NLK: variants seen among roughly 807,000 people sequenced by gnomAD.
NLK encodes nemo like kinase.
Under a neutral mutation model 59.0 loss-of-function variants are expected in NLK, and 11 were observed. The observed-to-expected ratio is 0.19, with a 90% confidence interval of 0.12 to 0.31. The LOEUF (loss-of-function observed/expected upper bound fraction) is 0.31. Ranked by LOEUF, NLK falls within the 10% of genes least tolerant of loss-of-function variation. The pLI is 1.00. For missense variants in NLK, 410 were observed against 661.1 expected, an observed-to-expected ratio of 0.62 and a Z score of 4.16; for synonymous variants, 235 against 235.9, an observed-to-expected ratio of 1.00 and a Z score of 0.03.
chr17:28,201,347 T>C (rs923421839), downstream of NLK, among the ~76,000 whole-genome samples: 4 of 151,040 alleles, frequency 2.6e-5, no homozygotes, highest in Non-Finnish European at 2.9e-5. Flanking sequence ...CCTCCCAGAG[T>C]GCTGGCATTA....
chr17:28,180,450 A>G (rs1567738960), intron 7 of NLK, among the ~76,000 whole-genome samples: 1 of 152,140 alleles, frequency 6.6e-6, no homozygotes, highest in Non-Finnish European at 1.5e-5. Context: ...AGGCCCTGAC[A>G]TTGGGTGGTT....
intron 1 of NLK, among the ~76,000 whole-genome samples, chr17:28,082,607 C>T (rs183658414): frequency 3.1e-4 from 47 of 152,158 alleles, no homozygotes; most frequent in African/African-American, 1.0e-3. Context: ...CTGTGTTTCC[C>T]GCAGATTTTC....
intron 1 of NLK, among the ~76,000 whole-genome samples, chr17:28,077,917 A>C (rs1394279223): frequency 6.6e-6 from 1 of 152,202 alleles, no homozygotes. Context: ...ATATAGATGC[A>C]CAGAAAGTTC....
intron 7 of NLK, among the ~76,000 whole-genome samples, chr17:28,178,174 G>A (rs148922093): frequency 6.6e-6 from 1 of 152,294 alleles, no homozygotes; most frequent in Non-Finnish European, 1.5e-5. Context: ...AGGGTTGAGG[G>A]TATATATTGG....
intron 1 of NLK, 24 bp from the exon 2 acceptor site, chr17:28,122,579 C>T (rs1369143073): frequency 6.2e-7 from 1 of 1,606,610 alleles, no homozygotes. Flanking sequence ...TTTTTTTCCC[C>T]TTCCCCAAAT....
chr17:28,047,860 T>C, intron 1 of NLK: 2 of 397,496 alleles, frequency 5.0e-6, no homozygotes, highest in Non-Finnish European at 8.9e-6. Context: ...CTGGAGTAAG[T>C]TGCATCAGAA....
At chr17:28,141,440 C>T (rs1192878900) in intron 3 of NLK, among the ~76,000 whole-genome samples, 1 of 152,168 alleles carries the variant, frequency 6.6e-6, no homozygotes, top group East Asian at 1.9e-4. Flanking sequence ...GAGACTTGCC[C>T]TCCATTCAAA....
chr17:28,070,320 T>G (rs1473289969), intron 1 of NLK, among the ~76,000 whole-genome samples: 1 of 152,018 alleles, frequency 6.6e-6, no homozygotes, highest in Non-Finnish European at 1.5e-5. Context: ...AGGTTTTAAT[T>G]TTTATGTTTA....
In NLK at chr17:28,115,541, C is replaced by G. The variant is rs529760714; in HGVS notation, c.459-7062C>G. 2.6e-5 allele frequency among the ~76,000 whole-genome samples: 4 copies of G among 152,296 alleles called. No individual in the cohort carries two copies. In the South Asian group the frequency reaches 8.3e-4, roughly 32 times the overall value. On this transcript the variant is annotated intron_variant, in intron 1 of 10. Transcript: ENST00000407008. The stretch of plus-strand genomic sequence containing the variant: ...TACCAATATTACACTATGTAAATTA[C>G]TGTAGCTTTATTATGTCTTCATACC...
In NLK at chr17:28,179,232, T is replaced by C. The variant is rs11870614; in HGVS notation, c.1150-5947T>C. Among the ~76,000 whole-genome samples, 191 of 152,040 alleles carry C rather than the reference T, an allele frequency of 1.3e-3. 1 individual carries two copies. The highest frequency in any genetic ancestry group is 2.5e-3 in the Non-Finnish European group (168 of 67,974). On this transcript the variant is annotated intron_variant, in intron 7 of 10. Coordinates refer to ENST00000407008, the MANE Select transcript of NLK (RefSeq NM_016231.5). ...TTGGCAAAAATATTTCCAAATGAGA[T>C]GTTTAGGGCATATTTTTTTTTTCTT...
intron 1 of NLK, among the ~76,000 whole-genome samples, chr17:28,090,408 A>G (rs1904443823): frequency 6.6e-6 from 1 of 151,824 alleles, no homozygotes; most frequent in South Asian, 2.1e-4. Flanking sequence ...GCTTGTTATT[A>G]TTTTCCATGC....
At chr17:28,163,896 A>G (rs1908114637) in intron 5 of NLK, among the ~76,000 whole-genome samples, 1 of 152,222 alleles carries the variant, frequency 6.6e-6, no homozygotes, top group South Asian at 2.1e-4. Flanking sequence ...TGACTCCTTT[A>G]CAGCTTGTTC....
At chr17:28,063,080 C>T (rs1324721371) in intron 1 of NLK, among the ~76,000 whole-genome samples, 1 of 151,968 alleles carries the variant, frequency 6.6e-6, no homozygotes, top group African/African-American at 2.4e-5. Context: ...TATAGGCGTA[C>T]ACCACCATGT....
intron 3 of NLK, among the ~76,000 whole-genome samples, chr17:28,134,007 A>G (rs191623161): frequency 2.4e-3 from 360 of 152,298 alleles, no homozygotes; most frequent in African/African-American, 8.1e-3. Context: ...TTGATCTTTT[A>G]AACCAAAAGC....
At chr17:28,198,045 G>A (rs1043654676), downstream of NLK, among the ~76,000 whole-genome samples, 1 of 152,236 alleles carries the variant, frequency 6.6e-6, no homozygotes, top group Non-Finnish European at 1.5e-5. Context: ...ATGTCTGGTT[G>A]TGGGGATGAT....
chr17:28,191,865 A>G (rs868068976), intron 9 of NLK, among the ~76,000 whole-genome samples: 1 of 152,206 alleles, frequency 6.6e-6, no homozygotes, highest in Non-Finnish European at 1.5e-5. Flanking sequence ...TCTCAAATTT[A>G]TAGGCCATTT....
At chr17:28,087,795 T>G (rs1394736258) in intron 1 of NLK, among the ~76,000 whole-genome samples, 1 of 152,242 alleles carries the variant, frequency 6.6e-6, no homozygotes, top group African/African-American at 2.4e-5. Flanking sequence ...TTAGCTTGGA[T>G]GATTTCTAAG....
intron 1 of NLK, among the ~76,000 whole-genome samples, chr17:28,109,998 A>G (rs1214994461): frequency 2.6e-5 from 4 of 152,218 alleles, no homozygotes; most frequent in African/African-American, 9.6e-5. Flanking sequence ...TAAGTCACTA[A>G]GAGGAGAATT....
At chr17:28,148,427 C>T (rs867311317) in intron 3 of NLK, among the ~76,000 whole-genome samples, 22 of 152,120 alleles carry the variant, frequency 1.4e-4, no homozygotes, top group South Asian at 1.0e-3. Context: ...TTTCTTGTAT[C>T]GTCAAGATTA....
Sources: gnomAD v4.1 joint callset for allele counts (sites outside exome capture counted in the v4.1 genomes callset) on GRCh38, gnomAD v4.1.1 for gene constraint, MANE v1.5 for transcripts, NCBI Gene and HGNC (gene_info 2026-07-23, HGNC 2026-07-21) for gene names.